The following KCNQ5 variants were observed in gnomAD, a reference collection of about 807,000 sequenced individuals.
KCNQ5 encodes potassium voltage-gated channel subfamily Q member 5.
A neutral mutation model predicts 98.2 loss-of-function variants in KCNQ5; 30 were observed. The ratio of observed to expected loss-of-function variants is 0.31; its 90% CI spans 0.23 to 0.41. The LOEUF is 0.41. Ranked by LOEUF, KCNQ5 falls within the 10% of genes least tolerant of loss-of-function variation. The probability of loss-of-function intolerance (pLI) is 1.00; values close to 1 mark genes in which losing one functional copy is unlikely to be tolerated. For missense variants in KCNQ5, 835 were observed against 1,182.5 expected (o/e 0.71, Z 4.31); for synonymous variants, 458 against 449.4 (o/e 1.02, Z -0.24).
intron 5 of KCNQ5, among the ~76,000 whole-genome samples, chr6:73,096,112 A>C (rs1774481949): frequency 6.6e-6 from 1 of 152,160 alleles, no homozygotes. Flanking sequence ...CAAAGATCCA[A>C]GAGTCCCAAA....
intron 1 of KCNQ5, among the ~76,000 whole-genome samples, chr6:72,758,681 A>G (rs1772098693): frequency 6.6e-6 from 1 of 152,198 alleles, no homozygotes; most frequent in African/African-American, 2.4e-5. Flanking sequence ...AATGAGATTT[A>G]CAGCAATTGT....
At chr6:72,902,881 T>C (rs1254282310) in intron 1 of KCNQ5, among the ~76,000 whole-genome samples, 5 of 152,150 alleles carry the variant, frequency 3.3e-5, no homozygotes, top group Non-Finnish European at 7.4e-5. Context: ...GGATTCCCTC[T>C]TTATCTTATG....
intron 1 of KCNQ5, among the ~76,000 whole-genome samples, chr6:72,809,156 A>G (rs1775106995): frequency 6.8e-6 from 1 of 146,542 alleles, no homozygotes; most frequent in Non-Finnish European, 1.5e-5. Context: ...AAAACCAAAC[A>G]CCGCATATTC....
In KCNQ5 at chr6:72,789,197, G is replaced by A. The variant is rs1014412861; in HGVS notation, c.398+166610G>A. On this transcript the variant is annotated intron_variant, in intron 1 of 13. Coordinates refer to ENST00000370398, the MANE Select transcript of KCNQ5 (RefSeq NM_019842.4). The stretch of plus-strand genomic sequence containing the variant: ...TGTGTTGAGACAGTCTTGCTCTGTC[G>A]CCTAGGATGGAGGGCAGTGGCATAA... Among the ~76,000 whole-genome samples, 14 of 152,038 alleles carry A rather than the reference G, an allele frequency of 9.2e-5. No individual in the cohort carries two copies. The East Asian group carries it at 1.2e-3, about 13-fold the overall frequency.
At chr6:72,689,185 A>G (rs2154474159) in intron 1 of KCNQ5, among the ~76,000 whole-genome samples, 1 of 152,230 alleles carries the variant, frequency 6.6e-6, no homozygotes, top group South Asian at 2.1e-4. Flanking sequence ...CCATGCAGCT[A>G]CTCCCATAGC....
intron 1 of KCNQ5, among the ~76,000 whole-genome samples, chr6:72,661,500 G>T (rs1384225207): frequency 6.6e-6 from 1 of 152,068 alleles, no homozygotes; most frequent in Non-Finnish European, 1.5e-5. Flanking sequence ...ACATAATTGA[G>T]AATACATAGA....
intron 1 of KCNQ5, among the ~76,000 whole-genome samples, chr6:72,676,617 C>T (rs1767420332): frequency 6.6e-6 from 1 of 152,096 alleles, no homozygotes; most frequent in Non-Finnish European, 1.5e-5. Context: ...CTATTCATCC[C>T]TTTAGATTGT....
At chr6:72,704,643 A>G (rs1473930463) in intron 1 of KCNQ5, among the ~76,000 whole-genome samples, 1 of 151,986 alleles carries the variant, frequency 6.6e-6, no homozygotes, top group East Asian at 1.9e-4. Flanking sequence ...ATGATAAAAA[A>G]AAAAGTTACT....
At chr6:72,767,802 T>C (rs7752076) in intron 1 of KCNQ5, among the ~76,000 whole-genome samples, 90,922 of 151,678 alleles carry the variant, frequency 0.6, 27,295 homozygotes, top group Admixed American at 0.63. Flanking sequence ...TTCACCCCAA[T>C]TAGGATGGCT....
chr6:73,186,645 ACTCAAGAGC>A (rs60453755), intron 11 of KCNQ5, among the ~76,000 whole-genome samples: 4,378 of 152,276 alleles, frequency 0.029, 192 homozygotes, highest in African/African-American at 0.099. Context: ...GATGTGAACA[ACTCAAGAGC>A]CTAGAGAGTA....
intron 1 of KCNQ5, among the ~76,000 whole-genome samples, chr6:72,843,016 G>T (rs561909392): frequency 6.6e-6 from 1 of 152,082 alleles, no homozygotes; most frequent in Non-Finnish European, 1.5e-5. Context: ...ATTGGCTTTC[G>T]TTGCCATTGC....
chr6:72,807,117 T>A (rs1331245871), intron 1 of KCNQ5, among the ~76,000 whole-genome samples: 1 of 152,152 alleles, frequency 6.6e-6, no homozygotes, highest in East Asian at 1.9e-4. Flanking sequence ...CAGGAAGCCC[T>A]ACAATTTAGT....
intron 1 of KCNQ5, among the ~76,000 whole-genome samples, chr6:72,886,508 A>G (rs1778847419): frequency 6.6e-6 from 1 of 152,174 alleles, no homozygotes; most frequent in African/African-American, 2.4e-5. Flanking sequence ...TTATAAAGAA[A>G]AGGAAATATT....
chr6:72,686,137 T>C (rs1767940778), intron 1 of KCNQ5, among the ~76,000 whole-genome samples: 1 of 152,170 alleles, frequency 6.6e-6, no homozygotes, highest in South Asian at 2.1e-4. Context: ...TAATATCACA[T>C]TGGGGATTAG....
At chr6:72,664,092 C>T (rs1766665317) in intron 1 of KCNQ5, among the ~76,000 whole-genome samples, 1 of 152,150 alleles carries the variant, frequency 6.6e-6, no homozygotes, top group South Asian at 2.1e-4. Flanking sequence ...TTCAAAAGGA[C>T]TTTAAACATT....
At chr6:72,727,168 A>G (rs1479384105) in intron 1 of KCNQ5, among the ~76,000 whole-genome samples, 2 of 152,258 alleles carry the variant, frequency 1.3e-5, no homozygotes, top group Non-Finnish European at 2.9e-5. Context: ...ATAGCACAGC[A>G]GGGTCTCAAT....
chr6:72,824,005 A>G (rs1323537266), intron 1 of KCNQ5, among the ~76,000 whole-genome samples: 6 of 152,184 alleles, frequency 3.9e-5, no homozygotes, highest in African/African-American at 1.4e-4. Flanking sequence ...TAATGTTTCC[A>G]AACTGTTTCT....
chr6:72,800,329 C>T (rs1385139517), intron 1 of KCNQ5, among the ~76,000 whole-genome samples: 1 of 152,128 alleles, frequency 6.6e-6, no homozygotes, highest in Non-Finnish European at 1.5e-5. Flanking sequence ...TTCAGAGATT[C>T]AATTTCTTCC....
chr6:72,712,010 G>C (rs1464779654), intron 1 of KCNQ5, among the ~76,000 whole-genome samples: 2 of 152,178 alleles, frequency 1.3e-5, no homozygotes, highest in Non-Finnish European at 2.9e-5. Context: ...CATATGTGTA[G>C]TAATCAAAAT....
Sources: allele counts gnomAD v4.1 joint callset (sites outside exome capture counted in the v4.1 genomes callset), GRCh38; gene constraint gnomAD v4.1.1; transcripts MANE v1.5; gene names NCBI Gene and HGNC (gene_info 2026-07-23, HGNC 2026-07-21).